The following PLD1 variants were observed in gnomAD, a reference collection of about 807,000 sequenced individuals.
PLD1 encodes phospholipase D1.
A neutral mutation model predicts 137.1 loss-of-function variants in PLD1; 112 were observed. The ratio of observed to expected loss-of-function variants is 0.82; its 90% CI spans 0.70 to 0.96. The LOEUF is 0.96. PLD1 is among the 40% of genes least tolerant of loss of function. The pLI is 0.00. For synonymous variants in PLD1, 431 were observed against 454.7 expected (o/e 0.95, Z 0.66); for missense variants, 1,321 against 1,342.0 (o/e 0.98, Z 0.24).
At chr3:171,624,613 G>T (rs1465952551) in intron 23 of PLD1, among the ~76,000 whole-genome samples, 3 of 152,000 alleles carry the variant, frequency 2.0e-5, no homozygotes, top group Non-Finnish European at 4.4e-5. Context: ...TCCGTTAGAA[G>T]CATATAATGG....
At chr3:171,776,297 A>G (rs1722589635) in intron 1 of PLD1, among the ~76,000 whole-genome samples, 1 of 152,132 alleles carries the variant, frequency 6.6e-6, no homozygotes, top group South Asian at 2.1e-4. Flanking sequence ...CTCATACCAC[A>G]CTAGCTAGAA....
chr3:171,705,462 T>C (rs1363104430), intron 11 of PLD1, among the ~76,000 whole-genome samples: 1 of 152,126 alleles, frequency 6.6e-6, no homozygotes, highest in Non-Finnish European at 1.5e-5. Context: ...ACAGAAATCA[T>C]GGAGGCCAGA....
chr3:171,753,930 T>C (rs1720840949), intron 1 of PLD1, among the ~76,000 whole-genome samples: 1 of 152,212 alleles, frequency 6.6e-6, no homozygotes, highest in South Asian at 2.1e-4. Flanking sequence ...AACTCAGCCT[T>C]TCAATAGGCT....
At chr3:171,627,660 C>T (rs1251708163) in intron 23 of PLD1, among the ~76,000 whole-genome samples, 2 of 152,244 alleles carry the variant, frequency 1.3e-5, no homozygotes, top group Non-Finnish European at 2.9e-5. Context: ...AACAAACTAT[C>T]TCTCAGACCA....
Position 171,736,409 on chromosome 3 carries a change from T to C in PLD1, c.289-772A>G, listed in dbSNP as rs370008917. Among the ~76,000 whole-genome samples the C allele has an allele frequency of 4.6e-5, 7 of 152,134 alleles. No homozygotes were observed. The South Asian group carries it at 1.2e-3, about 27-fold the overall frequency. On this transcript the variant is annotated intron_variant, in intron 3 of 26. Transcript: ENST00000351298. ...TGCAGTCTGCCTCTAGAGTCTGTCA[T>C]TTACCCCCACATGTTATTATCTTTC...
chr3:171,805,195 G>A (rs1443999703), intron 1 of PLD1, among the ~76,000 whole-genome samples: 1 of 152,034 alleles, frequency 6.6e-6, no homozygotes, highest in African/African-American at 2.4e-5. Context: ...GTGCGTCAGA[G>A]GCTTCCAAAA....
intron 11 of PLD1, among the ~76,000 whole-genome samples, chr3:171,705,814 T>C (rs1045155444): frequency 6.6e-6 from 1 of 152,170 alleles, no homozygotes; most frequent in Admixed American, 6.5e-5. Flanking sequence ...TAAAATGTGG[T>C]AAATTAAATC....
At chr3:171,748,428 C>T (rs1175721468) in intron 1 of PLD1, among the ~76,000 whole-genome samples, 1 of 152,132 alleles carries the variant, frequency 6.6e-6, no homozygotes, top group Non-Finnish European at 1.5e-5. Context: ...TCATGCATTC[C>T]TTTCTTTCAC....
chr3:171,726,480 G>A (rs1241851435), intron 6 of PLD1, among the ~76,000 whole-genome samples: 2 of 152,184 alleles, frequency 1.3e-5, no homozygotes, highest in East Asian at 3.8e-4. Flanking sequence ...TCTGGAAGAT[G>A]GACTGGATTT....
At chr3:171,673,994 A>G (rs2108472192) in intron 19 of PLD1, among the ~76,000 whole-genome samples, 1 of 152,278 alleles carries the variant, frequency 6.6e-6, no homozygotes, top group African/African-American at 2.4e-5. Flanking sequence ...TCAGAGCCCC[A>G]CTAGGTCTGA....
intron 6 of PLD1, among the ~76,000 whole-genome samples, chr3:171,733,006 A>C (rs1306798735): frequency 6.6e-6 from 1 of 152,226 alleles, no homozygotes; most frequent in Non-Finnish European, 1.5e-5. Flanking sequence ...TTTAACAGGC[A>C]TGACAAACCA....
intron 24 of PLD1, among the ~76,000 whole-genome samples, chr3:171,618,782 A>G (rs1733339406): frequency 7.0e-6 from 1 of 143,404 alleles, no homozygotes; most frequent in South Asian, 2.1e-4. Flanking sequence ...TGGTTTACAC[A>G]GTTTCTGGCT....
intron 8 of PLD1, among the ~76,000 whole-genome samples, chr3:171,714,861 C>T (rs1482653383): frequency 6.6e-6 from 1 of 151,890 alleles, no homozygotes; most frequent in Non-Finnish European, 1.5e-5. Flanking sequence ...AAAGGAAAAA[C>T]GTCAAGGTCA....
chr3:171,799,066 C>T (rs765179876), intron 1 of PLD1, among the ~76,000 whole-genome samples: 52 of 152,174 alleles, frequency 3.4e-4, no homozygotes, highest in Non-Finnish European at 1.5e-4. Flanking sequence ...TCAGGCCAGG[C>T]GCGGTGGCTC....
chr3:171,718,908 C>A (rs77055917), intron 8 of PLD1, among the ~76,000 whole-genome samples: 117 of 152,278 alleles, frequency 7.7e-4, no homozygotes, highest in African/African-American at 2.6e-3. Flanking sequence ...TATAACTAAT[C>A]TTGTTCTAAA....
intron 8 of PLD1, among the ~76,000 whole-genome samples, chr3:171,720,865 C>G (rs1718078714): frequency 6.6e-6 from 1 of 152,132 alleles, no homozygotes; most frequent in Admixed American, 6.5e-5. Flanking sequence ...AAGCCTTTCC[C>G]TCACCTTTCC....
intron 11 of PLD1, among the ~76,000 whole-genome samples, chr3:171,706,675 G>C (rs1230963476): frequency 2.6e-5 from 4 of 152,002 alleles, no homozygotes; most frequent in African/African-American, 9.7e-5. Flanking sequence ...TCAGATCTAC[G>C]CATACTAGTG....
intron 11 of PLD1, among the ~76,000 whole-genome samples, chr3:171,705,443 A>T (rs1716602691): frequency 6.6e-6 from 1 of 152,212 alleles, no homozygotes; most frequent in Admixed American, 6.5e-5. Context: ...AGAGATGGAA[A>T]ATTTCTCAAC....
At chr3:171,688,249 C>T (rs867239482) in intron 14 of PLD1, among the ~76,000 whole-genome samples, 7 of 152,218 alleles carry the variant, frequency 4.6e-5, no homozygotes, top group African/African-American at 1.7e-4. Context: ...TGACCCCAGA[C>T]TGACCTATCC....
Sources: allele counts gnomAD v4.1 joint callset (sites outside exome capture counted in the v4.1 genomes callset), GRCh38; gene constraint gnomAD v4.1.1; transcripts MANE v1.5; gene names NCBI Gene and HGNC (gene_info 2026-07-23, HGNC 2026-07-21).